CPQ: variants seen among roughly 807,000 people sequenced by gnomAD.
CPQ encodes the protein Ser-Met dipeptidase.
Under a neutral mutation model 45.7 loss-of-function variants are expected in CPQ, and 37 were observed. The ratio of observed to expected loss-of-function variants is 0.81; its 90% CI spans 0.62 to 1.07. The LOEUF (loss-of-function observed/expected upper bound fraction) is 1.07. CPQ is among the 50% of genes least tolerant of loss of function. The pLI is 0.00. For synonymous variants in CPQ, 186 were observed against 205.8 expected (o/e 0.90, Z 0.82); for missense variants, 537 against 572.9 (o/e 0.94, Z 0.64).
chr8:96,995,408 T>C (rs1023132830), intron 5 of CPQ, among the ~76,000 whole-genome samples: 31 of 151,988 alleles, frequency 2.0e-4, no homozygotes, highest in African/African-American at 4.8e-5. Context: ...TGGATGGTTA[T>C]GTAAAATAAT....
chr8:96,656,145 C>T lies in CPQ; in HGVS notation c.-35+10743C>T, dbSNP rs568300248. The stretch of plus-strand genomic sequence containing the variant: ...CTGGAATAACAGGCATAAGCCACTG[C>T]ATCCAGCCCCAACAGCTTGCTCTTC... On this transcript the variant is annotated intron_variant, in intron 1 of 7. Transcript: ENST00000220763. Among the ~76,000 whole-genome samples, 52 of 152,360 alleles carry T rather than the reference C, an allele frequency of 3.4e-4. 1 individual carries two copies. The South Asian group carries it at 0.01, about 30-fold the overall frequency.
chr8:96,718,639 C>A (rs538923549), intron 1 of CPQ, among the ~76,000 whole-genome samples: 1 of 152,314 alleles, frequency 6.6e-6, no homozygotes, highest in South Asian at 2.1e-4. Context: ...TGGGTTGCCA[C>A]TGCTGGCTCG....
At chr8:96,944,566 A>T (rs1281879517) in intron 4 of CPQ, among the ~76,000 whole-genome samples, 3 of 152,176 alleles carry the variant, frequency 2.0e-5, no homozygotes, top group Admixed American at 2.0e-4. Context: ...GGAGTTTTTC[A>T]TATGTCAACC....
At chr8:97,130,764 T>C (rs945745659) in intron 7 of CPQ, among the ~76,000 whole-genome samples, 6 of 152,218 alleles carry the variant, frequency 3.9e-5, no homozygotes, top group Admixed American at 1.3e-4. Flanking sequence ...ATTAAGAGCA[T>C]ATTCATTTCC....
intron 5 of CPQ, among the ~76,000 whole-genome samples, chr8:96,982,037 T>C (rs1208859283): frequency 6.6e-6 from 1 of 152,172 alleles, no homozygotes; most frequent in Non-Finnish European, 1.5e-5. Context: ...GGAAAATACA[T>C]GGCACATGAT....
intron 3 of CPQ, among the ~76,000 whole-genome samples, chr8:96,853,073 C>A (rs746285256): frequency 2.6e-5 from 4 of 152,204 alleles, no homozygotes; most frequent in Non-Finnish European, 4.4e-5. Context: ...TAAAATAGGA[C>A]TGTTACCTAA....
intron 3 of CPQ, among the ~76,000 whole-genome samples, chr8:96,840,941 T>C (rs1210134818): frequency 1.3e-5 from 2 of 152,224 alleles, no homozygotes; most frequent in African/African-American, 2.4e-5. Context: ...GTATGTTCCA[T>C]TGGGCAAACT....
chr8:96,678,399 T>C (rs1365929064), intron 1 of CPQ, among the ~76,000 whole-genome samples: 1 of 151,930 alleles, frequency 6.6e-6, no homozygotes, highest in African/African-American at 2.4e-5. Context: ...CTTTGGTTGA[T>C]ATACTGATTT....
At position 97,028,169 on chromosome 8, in the gene CPQ, T is replaced by A. The variant is rs61314619; in HGVS notation, c.962-1234T>A. Among the ~76,000 whole-genome samples, 1,414 of 152,380 alleles carry A rather than the reference T, an allele frequency of 9.3e-3. 22 individuals are homozygous for A. The highest frequency in any genetic ancestry group is 0.032 in the African/African-American group (1,324 of 41,594). ...CTATGCTTTTTAAGTTATGTTAACA[T>A]GCTGAAGTACAAAGTGACTTCACAA... On this transcript the variant is annotated intron_variant, in intron 5 of 7. Coordinates refer to ENST00000220763, the MANE Select transcript of CPQ (RefSeq NM_016134.4).
chr8:96,707,663 T>G (rs1345671363), intron 1 of CPQ, among the ~76,000 whole-genome samples: 1 of 151,906 alleles, frequency 6.6e-6, no homozygotes, highest in Non-Finnish European at 1.5e-5. Context: ...AATTTCATTT[T>G]AATGAATGAA....
rs990277228 is a variant in CPQ at position 96,670,311 on chromosome 8, T to A, written c.-35+24909T>A. On this transcript the variant is annotated intron_variant, in intron 1 of 7. Coordinates refer to ENST00000220763, the MANE Select transcript of CPQ (RefSeq NM_016134.4). ...GGAACATGTGTATGGAGTGACTCAA[T>A]TTTTTTTTTTTTTTTTTTTTTTTTT... Among the ~76,000 whole-genome samples the A allele has an allele frequency of 5.1e-5, 7 of 137,118 alleles. No homozygotes were observed. In the South Asian group the frequency reaches 9.2e-4, roughly 18 times the overall value. 90.0% of individuals were successfully genotyped at this position (137,118 alleles called of 152,430 possible). A position where few individuals can be genotyped will look rare whatever the true frequency, so the allele number is the denominator to read the frequency against.
At chr8:96,770,831 C>A (rs992079337) in intron 1 of CPQ, among the ~76,000 whole-genome samples, 2 of 148,412 alleles carry the variant, frequency 1.3e-5, no homozygotes, top group Admixed American at 6.7e-5. Flanking sequence ...GGAGGTGATA[C>A]CTGAATTAGT....
intron 3 of CPQ, among the ~76,000 whole-genome samples, chr8:96,841,546 A>T (rs1811609306): frequency 6.6e-6 from 1 of 152,168 alleles, no homozygotes; most frequent in Non-Finnish European, 1.5e-5. Flanking sequence ...TGCGACTTTT[A>T]ATCAGCTAAG....
intron 5 of CPQ, among the ~76,000 whole-genome samples, chr8:97,021,657 C>T (rs1310809117): frequency 6.6e-6 from 1 of 151,994 alleles, no homozygotes; most frequent in African/African-American, 2.4e-5. Flanking sequence ...TATACCTAAC[C>T]AAGGATGTGA....
At chr8:96,860,928 A>G (rs913410090) in intron 3 of CPQ, among the ~76,000 whole-genome samples, 1 of 152,166 alleles carries the variant, frequency 6.6e-6, no homozygotes, top group African/African-American at 2.4e-5. Context: ...TCTTGGTAAT[A>G]AATGCTGGTT....
Position 97,123,081 on chromosome 8 carries a change from TAAATA to T in CPQ, c.1256-19921_1256-19917del, listed in dbSNP as rs1193815735. On this transcript the variant is annotated intron_variant, in intron 7 of 7. Transcript: ENST00000220763. ...ATAAAATAAAAAAAATAAAATAAAA[TAAATA>T]AAATAAAATAAAATAAATAAAATAA... Among the ~76,000 whole-genome samples the T allele has an allele frequency of 7.6e-3, 173 of 22,678 alleles. 12 individuals carry two copies. The highest frequency in any genetic ancestry group is 0.01 in the African/African-American group (64 of 6,192). 14.9% of individuals were successfully genotyped at this position (22,678 alleles called of 152,430 possible).
intron 2 of CPQ, among the ~76,000 whole-genome samples, chr8:96,815,201 A>AAG (rs767922271): frequency 2.0e-5 from 3 of 151,972 alleles, no homozygotes; most frequent in Non-Finnish European, 2.9e-5. Context: ...GTATTATAAA[A>AAG]AGAGAGAGAG....
At chr8:96,726,603 C>T (rs1809843754) in intron 1 of CPQ, among the ~76,000 whole-genome samples, 1 of 152,104 alleles carries the variant, frequency 6.6e-6, no homozygotes, top group South Asian at 2.1e-4. Context: ...AGAACTCACT[C>T]ACTATCTTAA....
At chr8:96,775,394 G>A (rs1256811360) in intron 1 of CPQ, among the ~76,000 whole-genome samples, 1 of 151,984 alleles carries the variant, frequency 6.6e-6, no homozygotes, top group Non-Finnish European at 1.5e-5. Context: ...GAATTCTAAG[G>A]CATGACTGCA....
Sources: gnomAD v4.1 joint callset for allele counts (sites outside exome capture counted in the v4.1 genomes callset) on GRCh38, gnomAD v4.1.1 for gene constraint, MANE v1.5 for transcripts, NCBI Gene and HGNC (gene_info 2026-07-23, HGNC 2026-07-21) for gene names.